SPOCK1: variants seen among roughly 807,000 people sequenced by gnomAD.
SPOCK1 encodes SPARC (osteonectin), cwcv and kazal like domains proteoglycan 1, also known as testican-1.
Under a neutral mutation model 55.3 loss-of-function variants are expected in SPOCK1, and 23 were observed. That is an observed-to-expected ratio of 0.42 (90% CI 0.30 to 0.59). The LOEUF (loss-of-function observed/expected upper bound fraction) is 0.59. Among genes scored for constraint, SPOCK1 ranks in the 20% least tolerant of loss-of-function variants. SPOCK1 has a pLI of 0.22. For synonymous variants in SPOCK1, 226 were observed against 221.0 expected (o/e 1.02, Z -0.20); for missense variants, 499 against 552.5 (o/e 0.90, Z 0.97).
At chr5:137,287,406 C>A (rs1757290929) in intron 2 of SPOCK1, among the ~76,000 whole-genome samples, 1 of 152,210 alleles carries the variant, frequency 6.6e-6, no homozygotes. Context: ...GACTTCCTTG[C>A]AGTGACAATG....
chr5:137,413,519 T>C (rs1580912247), intron 2 of SPOCK1, among the ~76,000 whole-genome samples: 1 of 131,158 alleles, frequency 7.6e-6, no homozygotes, highest in Admixed American at 7.0e-5. Flanking sequence ...AGTTTCCCCC[T>C]GATCTTGTCC....
chr5:137,011,179 A>T (rs1250052472), intron 6 of SPOCK1, among the ~76,000 whole-genome samples: 2 of 152,170 alleles, frequency 1.3e-5, no homozygotes, highest in African/African-American at 2.4e-5. Context: ...AATTATATAG[A>T]CTTCGCACTT....
At chr5:137,220,893 A>G (rs978369460) in intron 3 of SPOCK1, among the ~76,000 whole-genome samples, 1 of 152,212 alleles carries the variant, frequency 6.6e-6, no homozygotes, top group African/African-American at 2.4e-5. Context: ...TCTAGTGAAA[A>G]AGTCCCCCAA....
chr5:137,227,013 T>C (rs1755959364), intron 3 of SPOCK1, among the ~76,000 whole-genome samples: 1 of 152,230 alleles, frequency 6.6e-6, no homozygotes, highest in Non-Finnish European at 1.5e-5. Context: ...CCTTCCTCTG[T>C]TATCCATCTG....
intron 6 of SPOCK1, among the ~76,000 whole-genome samples, chr5:137,063,306 T>G (rs1446907752): frequency 2.0e-5 from 3 of 150,176 alleles, no homozygotes; most frequent in Non-Finnish European, 1.5e-5. Flanking sequence ...TTCCACCATC[T>G]CTTCAGGTTC....
chr5:137,156,757 C>G (rs1438058638), intron 3 of SPOCK1, among the ~76,000 whole-genome samples: 1 of 152,034 alleles, frequency 6.6e-6, no homozygotes, highest in African/African-American at 2.4e-5. Flanking sequence ...GCCAAGGTAA[C>G]AGAGAAACTT....
At chr5:137,162,599 G>C (rs1002931257) in intron 3 of SPOCK1, among the ~76,000 whole-genome samples, 2 of 152,088 alleles carry the variant, frequency 1.3e-5, no homozygotes, top group South Asian at 4.1e-4. Context: ...GTATCTAGTG[G>C]GTTGAGGCCA....
chr5:137,000,036 A>AG (rs1751120005), intron 6 of SPOCK1, among the ~76,000 whole-genome samples: 1 of 152,112 alleles, frequency 6.6e-6, no homozygotes, highest in Non-Finnish European at 1.5e-5. Flanking sequence ...ATGCGATCTC[A>AG]GGGCTCTAGC....
Position 137,243,813 on chromosome 5 carries a change from C to T in SPOCK1, c.232+23197G>A, listed in dbSNP as rs60953105. 6.5e-3 allele frequency among the ~76,000 whole-genome samples: 994 copies of T among 152,262 alleles called. 23 individuals carry two copies. Among genetic ancestry groups the T allele is most frequent in the African/African-American group, 0.022 (930 of 41,550 alleles). ...CTGCAGCCACCAGAACTAATGATTCCATAACGACTCGAAACTGATAAACTA... is the reference window on the plus strand; with the variant it reads ...CTGCAGCCACCAGAACTAATGATTCTATAACGACTCGAAACTGATAAACTA... On this transcript the variant is annotated intron_variant, in intron 3 of 10. Coordinates refer to ENST00000394945, the MANE Select transcript of SPOCK1 (RefSeq NM_004598.4).
At chr5:137,356,536 T>A (rs1750804640) in intron 2 of SPOCK1, among the ~76,000 whole-genome samples, 1 of 151,488 alleles carries the variant, frequency 6.6e-6, no homozygotes, top group Non-Finnish European at 1.5e-5. Context: ...AGGCTTGTAA[T>A]CCCAGCACTT....
At chr5:137,116,916 G>A (rs1753596532) in intron 4 of SPOCK1, among the ~76,000 whole-genome samples, 2 of 152,070 alleles carry the variant, frequency 1.3e-5, no homozygotes, top group South Asian at 4.1e-4. Flanking sequence ...CTGTGGCCTG[G>A]CTAAAATATC....
chr5:137,149,439 A>G (rs1007396804), intron 3 of SPOCK1, among the ~76,000 whole-genome samples: 1 of 152,250 alleles, frequency 6.6e-6, no homozygotes, highest in Admixed American at 6.5e-5. Context: ...TTCATAAGAC[A>G]TTTATGAACA....
intron 4 of SPOCK1, among the ~76,000 whole-genome samples, chr5:137,122,820 GA>G (rs1292501620): frequency 1.3e-5 from 2 of 152,234 alleles, no homozygotes; most frequent in African/African-American, 4.8e-5. Flanking sequence ...TCTAATCTTG[GA>G]AAACACTTGC....
At chr5:137,498,234 C>A in intron 2 of SPOCK1, 139 bp downstream of exon 2, 1 of 875,134 alleles carries the variant, frequency 1.1e-6, no homozygotes, top group East Asian at 3.3e-5. Context: ...CGACCAGCCC[C>A]CGCGGGAGAT....
At chr5:137,435,112 T>G (rs1430152102) in intron 2 of SPOCK1, among the ~76,000 whole-genome samples, 1 of 152,252 alleles carries the variant, frequency 6.6e-6, no homozygotes, top group African/African-American at 2.4e-5. Context: ...TACATCTTGT[T>G]CTACCATTAA....
intron 3 of SPOCK1, among the ~76,000 whole-genome samples, chr5:137,208,179 C>T (rs894453055): frequency 5.3e-5 from 8 of 151,950 alleles, no homozygotes; most frequent in Non-Finnish European, 8.8e-5. Context: ...TTTCTATTTA[C>T]GAGTAGAAGG....
chr5:137,420,125 C>G (rs1453578706), intron 2 of SPOCK1, among the ~76,000 whole-genome samples: 4 of 152,168 alleles, frequency 2.6e-5, no homozygotes, highest in African/African-American at 9.7e-5. Context: ...TTGAACCAGC[C>G]TTGCATCCCA....
intron 2 of SPOCK1, among the ~76,000 whole-genome samples, chr5:137,344,528 C>G (rs1303465768): frequency 1.3e-5 from 2 of 152,172 alleles, no homozygotes. Context: ...TTGCCAATGT[C>G]TGGAGATAAT....
rs1561621133 is a variant in SPOCK1, at chr5:137,131,992, AT to A, written c.347+8587del. 4.6e-3 allele frequency among the ~76,000 whole-genome samples: 151 copies of A among 32,964 alleles called. 4 individuals are homozygous for A. The highest frequency in any genetic ancestry group is 5.5e-3 in the Admixed American group (12 of 2,182). The allele number at this position is 32,964 out of a possible 152,430, so 21.6% of individuals were successfully genotyped here. A position where few individuals can be genotyped will look rare whatever the true frequency, so the allele number is the denominator to read the frequency against. ...GTCTCAAAAAAAAAAAAAAAAAAATATATATATATATATATATATATATATA... is the reference window on the plus strand; with the variant it reads ...GTCTCAAAAAAAAAAAAAAAAAAATAATATATATATATATATATATATATA... On this transcript the variant is annotated intron_variant, in intron 4 of 10. Transcript: ENST00000394945.
Sources: allele counts gnomAD v4.1 joint callset (sites outside exome capture counted in the v4.1 genomes callset), GRCh38; gene constraint gnomAD v4.1.1; transcripts MANE v1.5; gene names NCBI Gene and HGNC (gene_info 2026-07-23, HGNC 2026-07-21).